The following AOPEP variants were observed in gnomAD, a reference collection of about 807,000 sequenced individuals.
The protein encoded by AOPEP is aminopeptidase O.
Under a neutral mutation model 98.1 loss-of-function variants are expected in AOPEP, and 77 were observed. The observed-to-expected ratio is 0.78, with a 90% CI of 0.65 to 0.95. The LOEUF (loss-of-function observed/expected upper bound fraction) is 0.95, where lower values mean the gene tolerates loss of function less well. Among genes scored for constraint, AOPEP ranks in the 40% least tolerant of loss-of-function variants. The pLI, the probability that AOPEP is intolerant of heterozygous loss-of-function variation, is 0.00. For missense variants in AOPEP, 1,024 were observed against 1,024.7 expected (o/e 1.00, Z 0.01); for synonymous variants, 346 against 365.3 (o/e 0.95, Z 0.60).
intron 13 of AOPEP, among the ~76,000 whole-genome samples, chr9:95,057,446 A>G (rs1421341524): frequency 1.3e-5 from 2 of 152,240 alleles, no homozygotes; most frequent in Non-Finnish European, 2.9e-5. Flanking sequence ...ATCTGCTGAT[A>G]CGTGGTCTCT....
chr9:95,037,186 C>G lies in AOPEP; in HGVS notation c.2116-23508C>G, dbSNP rs1284375958. Among the ~76,000 whole-genome samples, 3 of 151,980 alleles carry G rather than the reference C, an allele frequency of 2.0e-5. 1 individual carries two copies. The South Asian group carries it at 6.2e-4, about 32-fold the overall frequency. On this transcript the variant is annotated intron_variant, in intron 13 of 16. Transcript: ENST00000375315. ...TTTAAATAGCTATTTTATGAAGTTT[C>G]AGGATAATTTTTTTTTTACCTCACC...
At chr9:94,875,974 G>A (rs1487500444) in intron 5 of AOPEP, among the ~76,000 whole-genome samples, 5 of 152,212 alleles carry the variant, frequency 3.3e-5, no homozygotes, top group Non-Finnish European at 7.3e-5. Context: ...AGGCACCAGA[G>A]TTACTATTAT....
At chr9:94,735,682 A>G (rs1831591601) in intron 1 of AOPEP, among the ~76,000 whole-genome samples, 1 of 152,226 alleles carries the variant, frequency 6.6e-6, no homozygotes, top group Non-Finnish European at 1.5e-5. Context: ...TATAATTCAC[A>G]TGCCACAAAA....
At chr9:94,922,079 CAAGGGGAAA>C (rs1478815770) in intron 5 of AOPEP, among the ~76,000 whole-genome samples, 1 of 151,922 alleles carries the variant, frequency 6.6e-6, no homozygotes, top group Non-Finnish European at 1.5e-5. Context: ...AAGGACTGCT[CAAGGGGAAA>C]AAATGAAAGG....
At chr9:95,000,265 C>T (rs766539728) in intron 11 of AOPEP, among the ~76,000 whole-genome samples, 14 of 152,212 alleles carry the variant, frequency 9.2e-5, no homozygotes, top group Non-Finnish European at 1.3e-4. Context: ...AGGGAGAAGA[C>T]TGTCCTGTGG....
chr9:95,002,927 G>A (rs1417799098), intron 11 of AOPEP, among the ~76,000 whole-genome samples: 1 of 152,216 alleles, frequency 6.6e-6, no homozygotes, highest in Admixed American at 6.5e-5. Flanking sequence ...ATTAGGATGG[G>A]TCACAGCTTT....
At chr9:94,773,932 AT>A (rs1841469113) in intron 3 of AOPEP, among the ~76,000 whole-genome samples, 1 of 151,914 alleles carries the variant, frequency 6.6e-6, no homozygotes, top group South Asian at 2.1e-4. Flanking sequence ...CGCCCAGCTA[AT>A]TTTTGCACTT....
At chr9:94,761,920 A>G (rs1377138730) in intron 2 of AOPEP, among the ~76,000 whole-genome samples, 5 of 152,104 alleles carry the variant, frequency 3.3e-5, no homozygotes, top group East Asian at 1.9e-4. Flanking sequence ...CAATATAACA[A>G]TATACTATCT....
chr9:95,150,058 G>A, the AOPEP span: 3 of 1,613,998 alleles, frequency 1.9e-6, no homozygotes, highest in Non-Finnish European at 2.5e-6. Flanking sequence ...ACAAACTCGT[G>A]ACAGGGACGC....
intron 14 of AOPEP, among the ~76,000 whole-genome samples, chr9:95,080,486 A>G (rs541194447): frequency 1.6e-4 from 24 of 152,348 alleles, no homozygotes; most frequent in African/African-American, 5.8e-4. Flanking sequence ...ACTGCACTCC[A>G]GCCTGGGTGA....
intron 7 of AOPEP, chr9:94,933,042 C>T: frequency 3.0e-6 from 3 of 985,442 alleles, no homozygotes; most frequent in Non-Finnish European, 3.6e-6. Context: ...ACCCCAAGGA[C>T]TCTCCCAGAC....
At chr9:94,849,161 T>G (rs978795423) in intron 5 of AOPEP, among the ~76,000 whole-genome samples, 2 of 152,246 alleles carry the variant, frequency 1.3e-5, no homozygotes, top group Non-Finnish European at 2.9e-5. Context: ...AGAGAAAGTG[T>G]GTCTTAGAAC....
At chr9:94,982,393 C>G (rs1209526085) in intron 11 of AOPEP, among the ~76,000 whole-genome samples, 1 of 152,136 alleles carries the variant, frequency 6.6e-6, no homozygotes, top group Non-Finnish European at 1.5e-5. Flanking sequence ...AGATCACCTG[C>G]ACCTGAGAGC....
At chr9:94,802,328 T>A (rs563273358) in intron 5 of AOPEP, among the ~76,000 whole-genome samples, 1 of 152,166 alleles carries the variant, frequency 6.6e-6, no homozygotes, top group East Asian at 1.9e-4. Flanking sequence ...TTCATGAGAA[T>A]TGCAGTTTTT....
chr9:95,068,073 T>G (rs1336328520), intron 14 of AOPEP, among the ~76,000 whole-genome samples: 1 of 152,240 alleles, frequency 6.6e-6, no homozygotes, highest in Non-Finnish European at 1.5e-5. Context: ...CATTTGTTGA[T>G]CCACACATCA....
chr9:94,786,324 A>G (rs1844418125), intron 3 of AOPEP, among the ~76,000 whole-genome samples: 1 of 152,216 alleles, frequency 6.6e-6, no homozygotes, highest in South Asian at 2.1e-4. Context: ...GATGTGCCCA[A>G]ACTGGTAAAT....
chr9:94,818,827 T>C lies in AOPEP; in HGVS notation c.1364+17825T>C, dbSNP rs1828045576. ...GGCTAACACAGTGAAACCCTGTCTG[T>C]ACTAAAAATACAAAAAATTAGCCGG... is the stretch of plus-strand genomic sequence containing the variant. On this transcript the variant is annotated intron_variant, in intron 5 of 16. Transcript: ENST00000375315. Among the ~76,000 whole-genome samples the C allele has an allele frequency of 2.0e-5, 3 of 151,960 alleles. No individual in the cohort carries two copies. In the South Asian group the frequency reaches 6.2e-4, roughly 32 times the overall value.
the AOPEP span, among the ~76,000 whole-genome samples, chr9:95,093,202 G>A: frequency 6.6e-6 from 1 of 152,362 alleles, no homozygotes; most frequent in South Asian, 2.1e-4. Flanking sequence ...CTGAGGCAGA[G>A]GACTTGCGTA....
Position 95,086,001 on chromosome 9 carries a change from G to A in AOPEP, c.*5-681G>A, listed in dbSNP as rs751233266. ...TCCCAGCTGAGGCGCTGCTTCTCCG[G>A]GCTGTCGATTGGACCCGCCCTCCGG... is the stretch of plus-strand genomic sequence containing the variant. On this transcript the variant is annotated intron_variant, in intron 16 of 16. Coordinates refer to ENST00000375315, the MANE Select transcript of AOPEP (RefSeq NM_001193329.3). 1.5e-5 allele frequency: 20 copies of A among 1,365,694 alleles called. No homozygotes were observed. In the African/African-American group the frequency reaches 2.2e-4, roughly 15 times the overall value. 84.6% of individuals were successfully genotyped at this position (1,365,694 alleles called of 1,614,324 possible).
Sources: gnomAD v4.1 joint callset for allele counts (sites outside exome capture counted in the v4.1 genomes callset) on GRCh38, gnomAD v4.1.1 for gene constraint, MANE v1.5 for transcripts, NCBI Gene and HGNC (gene_info 2026-07-23, HGNC 2026-07-21) for gene names.